SEMA3E: variants seen among roughly 807,000 people sequenced by gnomAD.
SEMA3E encodes the protein semaphorin 3E, also known as semaphorin-3E.
A neutral mutation model predicts 93.6 loss-of-function variants in SEMA3E; 49 were observed. That is an observed-to-expected ratio of 0.52 (90% CI 0.42 to 0.66). The LOEUF (loss-of-function observed/expected upper bound fraction) is 0.66, where lower values mean the gene tolerates loss of function less well. SEMA3E is among the 30% of genes least tolerant of loss of function. SEMA3E has a pLI of 0.00. For missense variants in SEMA3E, 906 were observed against 964.8 expected, an observed-to-expected ratio of 0.94 and a Z score of 0.81; for synonymous variants, 363 against 330.7, an observed-to-expected ratio of 1.10 and a Z score of -1.06.
intron 3 of SEMA3E, among the ~76,000 whole-genome samples, chr7:83,468,528 A>G (rs922865226): frequency 6.6e-6 from 1 of 152,048 alleles, no homozygotes; most frequent in Admixed American, 6.6e-5. Context: ...GAGTTGGTAT[A>G]ATGTGTGTTA....
chr7:83,481,423 A>T (rs143004729), intron 2 of SEMA3E, among the ~76,000 whole-genome samples: 3 of 152,226 alleles, frequency 2.0e-5, no homozygotes, highest in Non-Finnish European at 4.4e-5. Context: ...AAAACGTTAA[A>T]TCAGAATTTG....
intron 5 of SEMA3E, among the ~76,000 whole-genome samples, chr7:83,415,268 A>G (rs568799360): frequency 6.6e-6 from 1 of 152,276 alleles, no homozygotes; most frequent in South Asian, 2.1e-4. Context: ...AGTTACTTAA[A>G]ACCACTTCAA....
intron 16 of SEMA3E, among the ~76,000 whole-genome samples, chr7:83,376,781 A>G (rs1460668070): frequency 1.3e-5 from 2 of 152,112 alleles, no homozygotes; most frequent in Non-Finnish European, 2.9e-5. Context: ...TAAGCAGTCT[A>G]TATAATGCAT....
At chr7:83,471,704 A>G (rs1287902200) in intron 2 of SEMA3E, among the ~76,000 whole-genome samples, 4 of 152,150 alleles carry the variant, frequency 2.6e-5, no homozygotes, top group Non-Finnish European at 5.9e-5. Context: ...TTGATGTTTG[A>G]GTTACAGCAC....
At chr7:83,469,681 G>T (rs1789852796) in intron 2 of SEMA3E, among the ~76,000 whole-genome samples, 1 of 152,054 alleles carries the variant, frequency 6.6e-6, no homozygotes, top group African/African-American at 2.4e-5. Context: ...TGTGTGGTGG[G>T]CTCTCCTAAT....
chr7:83,616,305 C>A (rs1383999109), intron 1 of SEMA3E, among the ~76,000 whole-genome samples: 1 of 152,042 alleles, frequency 6.6e-6, no homozygotes, highest in Non-Finnish European at 1.5e-5. Flanking sequence ...CATGCTATGT[C>A]CTATTTTGCA....
intron 4 of SEMA3E, among the ~76,000 whole-genome samples, chr7:83,464,631 T>A (rs919847234): frequency 3.4e-5 from 5 of 145,308 alleles, no homozygotes; most frequent in Non-Finnish European, 7.5e-5. Context: ...AGACCTTTTA[T>A]ACCTGTTTTT....
In SEMA3E at chr7:83,605,214, T is replaced by C. The variant is rs939095413; in HGVS notation, c.115+43214A>G. Among the ~76,000 whole-genome samples the C allele has an allele frequency of 5.3e-5, 8 of 152,200 alleles. No individual in the cohort carries two copies. In the South Asian group the frequency reaches 1.2e-3, roughly 24 times the overall value. On this transcript the variant is annotated intron_variant, in intron 1 of 16. Coordinates refer to ENST00000643230, the MANE Select transcript of SEMA3E (RefSeq NM_012431.3). ...TTCTTGAGGAATCACCACAATGTCT[T>C]CCACAATGGATGAACTAATTTACAT...
At chr7:83,487,682 CGTGTGTGTGTGT>C (rs71074667) in intron 2 of SEMA3E, among the ~76,000 whole-genome samples, 8 of 144,538 alleles carry the variant, frequency 5.5e-5, no homozygotes, top group East Asian at 2.1e-4. Flanking sequence ...GGCAGGAGGT[CGTGTGTGTGTGT>C]GTGTGTGTGT....
intron 14 of SEMA3E, among the ~76,000 whole-genome samples, chr7:83,387,905 TAAA>T (rs1474136119): frequency 1.4e-5 from 2 of 146,906 alleles, no homozygotes; most frequent in African/African-American, 4.9e-5. Flanking sequence ...ATTATATATA[TAAA>T]ATTCCAGAAT....
intron 1 of SEMA3E, among the ~76,000 whole-genome samples, chr7:83,560,188 CA>C (rs1425136674): frequency 9.2e-5 from 14 of 152,120 alleles, no homozygotes; most frequent in Admixed American, 2.0e-4. Flanking sequence ...TATACACCAG[CA>C]AGAGTAAACC....
intron 16 of SEMA3E, among the ~76,000 whole-genome samples, chr7:83,380,993 T>C (rs962161020): frequency 6.6e-6 from 1 of 151,938 alleles, no homozygotes; most frequent in Non-Finnish European, 1.5e-5. Context: ...CATGAACACA[T>C]TAAGAGTTGT....
intron 4 of SEMA3E, among the ~76,000 whole-genome samples, chr7:83,427,382 T>C (rs963418452): frequency 1.3e-5 from 2 of 152,146 alleles, no homozygotes; most frequent in African/African-American, 4.8e-5. Context: ...CTTGTGAAGC[T>C]ACACATGACA....
At chr7:83,575,394 G>T (rs890120907) in intron 1 of SEMA3E, among the ~76,000 whole-genome samples, 4 of 151,650 alleles carry the variant, frequency 2.6e-5, no homozygotes, top group African/African-American at 9.7e-5. Flanking sequence ...GACAAAAGAT[G>T]AGGTAATTTT....
chr7:83,612,390 C>A lies in SEMA3E; in HGVS notation c.115+36038G>T, dbSNP rs942576304. Among the ~76,000 whole-genome samples, 15 of 152,106 alleles carry A rather than the reference C, an allele frequency of 9.9e-5. 1 individual carries two copies. Among genetic ancestry groups the A allele is most frequent in the Non-Finnish European group, 4.4e-5 (3 of 67,978 alleles). ...CAGTAAATACAATTTTAAGGTCATA[C>A]TATGGCAGGCACTGTGATAGAAACT... On this transcript the variant is annotated intron_variant, in intron 1 of 16. Transcript: ENST00000643230.
At chr7:83,372,681 T>C (rs1276369303) in intron 16 of SEMA3E, 1 of 155,826 alleles carries the variant, frequency 6.4e-6, no homozygotes, top group East Asian at 1.8e-4. Context: ...TTTATTTCCA[T>C]GTTAGAGATA....
intron 4 of SEMA3E, among the ~76,000 whole-genome samples, chr7:83,450,842 A>G (rs996066437): frequency 6.6e-6 from 1 of 152,228 alleles, no homozygotes; most frequent in African/African-American, 2.4e-5. Flanking sequence ...AATACATATT[A>G]TCATGTTACC....
chr7:83,414,025 T>C (rs1788493974), intron 5 of SEMA3E, among the ~76,000 whole-genome samples: 2 of 152,134 alleles, frequency 1.3e-5, no homozygotes. Flanking sequence ...GAAGCTACAA[T>C]AAGCATGTGG....
intron 1 of SEMA3E, among the ~76,000 whole-genome samples, chr7:83,536,281 C>T (rs927234307): frequency 6.6e-6 from 1 of 151,706 alleles, no homozygotes; most frequent in African/African-American, 2.4e-5. Context: ...CAGAGAAATA[C>T]CTCTGCATGG....
Sources: allele counts gnomAD v4.1 joint callset (sites outside exome capture counted in the v4.1 genomes callset), GRCh38; gene constraint gnomAD v4.1.1; transcripts MANE v1.5; gene names NCBI Gene and HGNC (gene_info 2026-07-23, HGNC 2026-07-21).